Variants in SLC2A13 observed in about 807,000 individuals in gnomAD.
SLC2A13 encodes the protein solute carrier family 2 member 13.
A neutral mutation model predicts 64.4 loss-of-function variants in SLC2A13; 32 were observed. The ratio of observed to expected loss-of-function variants is 0.50; its 90% CI spans 0.37 to 0.67. The LOEUF (loss-of-function observed/expected upper bound fraction) is 0.67. Among genes scored for constraint, SLC2A13 ranks in the 30% least tolerant of loss-of-function variants. SLC2A13 has a pLI of 0.00. For synonymous variants in SLC2A13, 338 were observed against 327.1 expected (o/e 1.03, Z -0.36); for missense variants, 743 against 829.2 (o/e 0.90, Z 1.28).
At chr12:40,002,311 ATC>A (rs1190923029) in intron 3 of SLC2A13, among the ~76,000 whole-genome samples, 63 of 152,318 alleles carry the variant, frequency 4.1e-4, no homozygotes, top group African/African-American at 1.5e-3. Context: ...TAAGTAATGT[ATC>A]CAACAACAAC....
rs565639346 is a variant in SLC2A13, at chr12:39,975,762, A to G, written c.926-24397T>C. ...AAACAGATGTAGCTCTTTAAATGCA[A>G]GTATTTTTATTTCACTCTCTATTAA... On this transcript the variant is annotated intron_variant, in intron 3 of 9. Transcript: ENST00000280871. Among the ~76,000 whole-genome samples the G allele has an allele frequency of 5.9e-5, 9 of 152,358 alleles. No homozygotes were observed. In the South Asian group the frequency reaches 8.3e-4, roughly 14 times the overall value.
intron 7 of SLC2A13, among the ~76,000 whole-genome samples, chr12:39,793,692 C>G (rs1406272085): frequency 6.6e-6 from 1 of 152,078 alleles, no homozygotes; most frequent in Non-Finnish European, 1.5e-5. Flanking sequence ...TTAGGCATTC[C>G]AAACAGAAAC....
intron 9 of SLC2A13, among the ~76,000 whole-genome samples, chr12:39,762,130 G>T (rs970275498): frequency 1.3e-5 from 2 of 152,056 alleles, no homozygotes; most frequent in African/African-American, 4.8e-5. Context: ...CCTACTCAGT[G>T]TGGGTTCCAA....
chr12:40,075,921 T>C (rs1938153849), intron 1 of SLC2A13, among the ~76,000 whole-genome samples: 1 of 152,214 alleles, frequency 6.6e-6, no homozygotes, highest in South Asian at 2.1e-4. Context: ...TTTATTAAAG[T>C]ACGTGTTTTT....
intron 4 of SLC2A13, among the ~76,000 whole-genome samples, chr12:39,927,422 G>GT (rs924229215): frequency 1.3e-5 from 2 of 151,998 alleles, no homozygotes; most frequent in African/African-American, 4.8e-5. Context: ...ATACTCTTGA[G>GT]TTTTTTTCCC....
At chr12:39,812,666 T>C (rs1287652000) in intron 7 of SLC2A13, among the ~76,000 whole-genome samples, 2 of 151,690 alleles carry the variant, frequency 1.3e-5, no homozygotes, top group African/African-American at 4.8e-5. Flanking sequence ...AGAGATGAGG[T>C]TTCACCATGT....
chr12:40,078,783 G>GT (rs990428432), intron 1 of SLC2A13, among the ~76,000 whole-genome samples: 2 of 152,094 alleles, frequency 1.3e-5, no homozygotes, highest in African/African-American at 4.8e-5. Context: ...TGGTTGGTAG[G>GT]TTTTTTATTA....
intron 7 of SLC2A13, among the ~76,000 whole-genome samples, chr12:39,787,386 A>G (rs551861144): frequency 3.9e-5 from 6 of 152,328 alleles, no homozygotes; most frequent in African/African-American, 1.2e-4. Flanking sequence ...ACAGAAAGGA[A>G]TACTTTTTCT....
At chr12:40,060,602 T>C (rs1251084455) in intron 1 of SLC2A13, among the ~76,000 whole-genome samples, 4 of 152,210 alleles carry the variant, frequency 2.6e-5, no homozygotes, top group African/African-American at 9.6e-5. Flanking sequence ...CTAGAATTTC[T>C]TTATTAAACC....
rs551232022 is a variant in SLC2A13, at chr12:39,772,492, T to A, written c.1446-7634A>T. Among the ~76,000 whole-genome samples the A allele has an allele frequency of 2.0e-5, 3 of 152,224 alleles. No homozygotes were observed. The East Asian group carries it at 5.8e-4, about 29-fold the overall frequency. On this transcript the variant is annotated intron_variant, in intron 7 of 9. Coordinates refer to ENST00000280871, the MANE Select transcript of SLC2A13 (RefSeq NM_052885.4). ...TTCCTTGAATGATGAAGCTTTTACATTTGCATTTGTTTAATTGTGAGTAGA... is the reference window on the plus strand; with the variant it reads ...TTCCTTGAATGATGAAGCTTTTACAATTGCATTTGTTTAATTGTGAGTAGA...
chr12:39,976,448 CCATATATGAACACATTTAT>C (rs1946759057), intron 3 of SLC2A13, among the ~76,000 whole-genome samples: 1 of 152,154 alleles, frequency 6.6e-6, no homozygotes, highest in Non-Finnish European at 1.5e-5. Flanking sequence ...CTGAAGCAGA[CCATATATGAACACATTTAT>C]TAATTCCACG....
At chr12:40,084,160 G>A (rs1385740855) in intron 1 of SLC2A13, among the ~76,000 whole-genome samples, 1 of 152,176 alleles carries the variant, frequency 6.6e-6, no homozygotes, top group Non-Finnish European at 1.5e-5. Context: ...CAGGGTAACT[G>A]CAAATCTATA....
intron 1 of SLC2A13, among the ~76,000 whole-genome samples, chr12:40,061,053 A>C (rs1207762378): frequency 6.6e-6 from 1 of 152,140 alleles, no homozygotes; most frequent in African/African-American, 2.4e-5. Flanking sequence ...AATATGTATG[A>C]GTAAAATTTC....
At chr12:39,962,910 T>C (rs898261217) in intron 3 of SLC2A13, among the ~76,000 whole-genome samples, 4 of 152,162 alleles carry the variant, frequency 2.6e-5, no homozygotes, top group Admixed American at 6.5e-5. Context: ...GAGAAATATA[T>C]CCCACATTAA....
chr12:39,971,993 A>AT (rs1208614900), intron 3 of SLC2A13, among the ~76,000 whole-genome samples: 50 of 21,732 alleles, frequency 2.3e-3, no homozygotes, highest in Admixed American at 0.013. Context: ...GAAAAAAAAA[A>AT]AAAAATATAT....
At chr12:40,016,199 C>A (rs947065237) in intron 3 of SLC2A13, among the ~76,000 whole-genome samples, 5 of 150,370 alleles carry the variant, frequency 3.3e-5, no homozygotes, top group Admixed American at 6.6e-5. Context: ...ACCACCCCCC[C>A]AAAAAAAAAC....
rs150088790 is a variant in SLC2A13 at position 39,864,665 on chromosome 12, C to T, written c.1319+97G>A. The T allele has an allele frequency of 1.9e-4, 288 of 1,479,738 alleles. 1 individual carries two copies. The African/African-American group carries it at 3.5e-3, about 18-fold the overall frequency. 91.7% of individuals were successfully genotyped at this position (1,479,738 alleles called of 1,614,324 possible). On this transcript the variant is annotated intron_variant, in intron 6 of 9. Coordinates refer to ENST00000280871, the MANE Select transcript of SLC2A13 (RefSeq NM_052885.4). ...TTCTTACATAAGCCTGGATGCCCAG[C>T]AAGCTCCTACTCATCTCTACAACTT...
At chr12:39,896,901 A>G (rs1308733620) in intron 4 of SLC2A13, among the ~76,000 whole-genome samples, 1 of 152,116 alleles carries the variant, frequency 6.6e-6, no homozygotes, top group Non-Finnish European at 1.5e-5. Context: ...TCCTTTTCCC[A>G]TTTAGTGGAA....
chr12:39,927,588 A>G (rs994517784), intron 4 of SLC2A13, among the ~76,000 whole-genome samples: 3 of 152,206 alleles, frequency 2.0e-5, no homozygotes, highest in Non-Finnish European at 4.4e-5. Flanking sequence ...TTTTTAAACA[A>G]TAACATATCA....
Sources: allele counts gnomAD v4.1 joint callset (sites outside exome capture counted in the v4.1 genomes callset), GRCh38; gene constraint gnomAD v4.1.1; transcripts MANE v1.5; gene names NCBI Gene and HGNC (gene_info 2026-07-23, HGNC 2026-07-21).